The following ZNF630 variants were observed in gnomAD, a reference collection of about 807,000 sequenced individuals.
ZNF630 encodes zinc finger protein 630, also known as dJ54B20.2 (novel KRAB box containing C2H2 type zinc finger protein).
In ZNF630, 5 loss-of-function variants were observed where a neutral mutation model predicts 7.2. The observed-to-expected ratio is 0.70, with a 90% CI of 0.36 to 1.46. The LOEUF (loss-of-function observed/expected upper bound fraction) is 1.46. ZNF630 is among the 40% of genes most tolerant of loss of function. ZNF630 has a pLI of 0.03. For missense variants in ZNF630, 461 were observed against 477.0 expected, an observed-to-expected ratio of 0.97 and a Z score of 0.31; for synonymous variants, 158 against 162.8, an observed-to-expected ratio of 0.97 and a Z score of 0.23.
At chrX:48,062,831 T>C (rs1277017018) in intron 2 of ZNF630, among the ~76,000 whole-genome samples, 4 of 110,001 alleles carry the variant, frequency 3.6e-5, no homozygotes, top group Non-Finnish European at 7.6e-5. Flanking sequence ...TCCCAGCTAC[T>C]AGGGAGGCTG....
chrX:48,058,457 C>G lies in ZNF630; in HGVS notation c.*11G>C, dbSNP rs1405689079. 3 of 1,148,938 alleles carry G rather than the reference C, an allele frequency of 2.6e-6. No individual in the cohort carries two copies. The highest frequency in any genetic ancestry group is 3.5e-6 in the Non-Finnish European group (3 of 866,337). The allele number at this position is 1,148,938 out of a possible 1,213,427, so 94.7% of individuals were successfully genotyped here. The stretch of plus-strand genomic sequence containing the variant: ...ATGAGGACTGACTTCTGGGAATAGG[C>G]CTTCCCACAATCAGCATATATACAA... On this transcript the variant is annotated 3_prime_UTR_variant, in exon 5 of 5. Transcript: ENST00000276054.
chrX:48,060,436 C>T lies in ZNF630; in HGVS notation c.238+14G>A, dbSNP rs782345040. The T allele has an allele frequency of 8.5e-7, 1 of 1,183,181 alleles. No individual in the cohort carries two copies. Among genetic ancestry groups the T allele is most frequent in the Admixed American group, 2.3e-5 (1 of 43,786 alleles). ...GAAGATGCCCGCTTGACCATGTACC[C>T]AATTCTCACTTACCTGGGTAGATCC... is the stretch of plus-strand genomic sequence containing the variant. On this transcript the variant is annotated intron_variant, in intron 4 of 4. Coordinates refer to ENST00000276054, the MANE Select transcript of ZNF630 (RefSeq NM_001282201.2).
rs1556908518 is a variant in ZNF630 at position 48,059,210 on chromosome X, G to T, written c.1232C>A (p.Thr411Asn). ...AATGAGCTGTGTTTTCCGAGGGAAG[G>T]TCTTCCCACATTCAGTACATTCATA... Reference protein sequence around the residue: ...KPYECTECGKTFPRKTQLIIH... With the variant: ...KPYECTECGKNFPRKTQLIIH... Residue 411 changes from threonine (T) to asparagine (N), a missense_variant, in exon 5 of 5, where the codon ACC becomes AAC. Physicochemically the swap from Thr to Asn is moderately conservative, Grantham distance 65. Coordinates refer to ENST00000276054, the MANE Select transcript of ZNF630 (RefSeq NM_001282201.2). 2 of 1,206,889 alleles carry T rather than the reference G, an allele frequency of 1.7e-6. No homozygotes were observed. Among genetic ancestry groups the T allele is most frequent in the African/African-American group, 1.8e-5 (1 of 56,794 alleles).
chrX:48,060,908 G>A lies in ZNF630; in HGVS notation c.53C>T (p.Thr18Met), dbSNP rs200301064. The stretch of plus-strand genomic sequence containing the variant: ...ATTCAACTGCTGCCACTCTTCCTGC[G>A]TGAAGTCCACAGCCACATCCTCAAA... ...VTFEDVAVDF[T>M]QEEWQQLNPA... is the part of the protein sequence containing the mutation. The change falls in exon 3 of 5, where the codon ACG (threonine) becomes ATG (methionine). Residue 18 changes from threonine (T) to methionine (M), a missense_variant. Transcript: ENST00000276054. 1.1e-4 allele frequency: 130 copies of A among 1,203,041 alleles called. 1 individual carries two copies. The East Asian group carries it at 1.6e-3, about 15-fold the overall frequency.
Position 48,060,176 on chromosome X carries a change from T to C in ZNF630, c.266A>G (p.Gln89Arg). The C allele has an allele frequency of 8.7e-7, 1 of 1,152,404 alleles. No homozygotes were observed. The highest frequency in any genetic ancestry group is 1.2e-6 in the Non-Finnish European group (1 of 865,844). The allele number at this position is 1,152,404 out of a possible 1,213,427, so 95.0% of individuals were successfully genotyped here. ...TAAAAGTTCTCCAGAAATGATCTGC[T>C]GGGAAGATTCAAGGCCTTTCACTCT... Reference protein sequence around the residue: ...PDRVKGLESSQQIISGELLFQ... With the variant: ...PDRVKGLESSRQIISGELLFQ... The change falls in exon 5 of 5, where the codon CAG becomes CGG. Residue 89 changes from glutamine to arginine, a missense_variant. Transcript: ENST00000276054.
chrX:48,070,194 C>A (rs1324715553), intron 1 of ZNF630, among the ~76,000 whole-genome samples: 1 of 109,597 alleles, frequency 9.1e-6, no homozygotes, highest in African/African-American at 3.3e-5. Context: ...ATGTGCTTTA[C>A]AGTTCAAAAT....
intron 1 of ZNF630, among the ~76,000 whole-genome samples, chrX:48,069,856 G>GTTTT (rs376876554): frequency 1.1e-5 from 1 of 87,140 alleles, no homozygotes; most frequent in Non-Finnish European, 2.3e-5. Flanking sequence ...TTTTTTTTTT[G>GTTTT]TTTTTTGTTT....
rs1326056538 is a variant in ZNF630, at chrX:48,057,901, C to T, written c.*567G>A. 9.1e-6 allele frequency among the ~76,000 whole-genome samples: 1 copy of T among 109,369 alleles called. No homozygotes were observed. The highest frequency in any genetic ancestry group is 3.3e-5 in the African/African-American group (1 of 29,870). The allele number at this position is 109,369 out of a possible 115,157, so 95.0% of individuals were successfully genotyped here. On this transcript the variant is annotated 3_prime_UTR_variant, in exon 5 of 5. Transcript: ENST00000276054. ...TGAAACCCCATCTCTACTAAAAATA[C>T]AAAAATTAGCCGGGCCTGGTGGTGC...
At position 48,059,866 on chromosome X, in the gene ZNF630, T is replaced by C. The variant is rs1556908784; in HGVS notation, c.576A>G (p.Leu192=). 1 of 1,206,168 alleles carries C rather than the reference T, an allele frequency of 8.3e-7. No homozygotes were observed. Among genetic ancestry groups the C allele is most frequent in the African/African-American group, 1.8e-5 (1 of 56,667 alleles). The change falls in exon 5 of 5, where the codon CTA becomes CTG. Residue 192 remains leucine, a synonymous_variant. Coordinates refer to ENST00000276054, the MANE Select transcript of ZNF630 (RefSeq NM_001282201.2). The stretch of plus-strand genomic sequence containing the variant: ...TTCTTGCATAGCTCCTGTTATAATT[T>C]AGTAAGTCTGAATTAGACTTCAAGC... ...ENSLKSNSDL[L]NYNRSYARKN...
chrX:48,060,415 A>T, intron 4 of ZNF630, 35 bp downstream of exon 4: 3 of 1,131,827 alleles, frequency 2.7e-6, no homozygotes, highest in Non-Finnish European at 3.6e-6. Flanking sequence ...GAAGAAGAAG[A>T]TGCCCGCTTG....
At position 48,059,804 on chromosome X, in the gene ZNF630, G is replaced by T; in HGVS notation, c.638C>A (p.Pro213His). The T allele has an allele frequency of 8.3e-7, 1 of 1,208,588 alleles. No individual in the cohort carries two copies. The highest frequency in any genetic ancestry group is 2.3e-4 in the Middle Eastern group (1 of 4,348). Reference protein sequence around the residue: ...PTKRFRCGRPPKYNASCSVPE... With the variant: ...PTKRFRCGRPHKYNASCSVPE... The stretch of plus-strand genomic sequence containing the variant: ...CACAGAACAGGAAGCATTATACTTA[G>T]GTGGTCTCCCACATCTAAATCTCTT... Residue 213 changes from proline to histidine, a missense_variant, in exon 5 of 5, where the codon CCT becomes CAT. Coordinates refer to ENST00000276054, the MANE Select transcript of ZNF630 (RefSeq NM_001282201.2).
rs1556908204 is a variant in ZNF630, at chrX:48,058,551, C to G, written c.1891G>C (p.Asp631His). Residue 631 changes from aspartate to histidine, a missense_variant, in exon 5 of 5, where the codon GAC becomes CAC. Physicochemically the swap from Asp to His is moderately conservative, Grantham distance 81. Transcript: ENST00000276054. ...TGCTGGCAGAATGCCTTCCCACAGT[C>G]ACTGCATCTGGAGGGTTTCTCCCCA... ...HTGEKPSRCS[D>H]CGKAFCQHVY... The G allele has an allele frequency of 5.8e-6, 7 of 1,207,728 alleles. No homozygotes were observed. The highest frequency in any genetic ancestry group is 7.8e-6 in the Non-Finnish European group (7 of 892,893).
At position 48,059,462 on chromosome X, in the gene ZNF630, G is replaced by A; in HGVS notation, c.980C>T (p.Ala327Val). The change falls in exon 5 of 5, where the codon GCA becomes GTA. Residue 327 changes from alanine to valine, a missense_variant. By Grantham distance (64) the Ala-to-Val change is moderately conservative. Coordinates refer to ENST00000276054, the MANE Select transcript of ZNF630 (RefSeq NM_001282201.2). ...KPYECTKYGR[A>V]FSRKSPFTVH... ...AGTGAAAGGTGACTTCCGGGAGAATGCTCTTCCATACTTAGTACATTCATA... is the reference window on the plus strand; with the variant it reads ...AGTGAAAGGTGACTTCCGGGAGAATACTCTTCCATACTTAGTACATTCATA... 1 of 1,207,994 alleles carries A rather than the reference G, an allele frequency of 8.3e-7. No individual in the cohort carries two copies. Among genetic ancestry groups the A allele is most frequent in the South Asian group, 1.8e-5 (1 of 56,893 alleles).
chrX:48,059,384 G>T lies in ZNF630; in HGVS notation c.1058C>A (p.Pro353Gln). The T allele has an allele frequency of 8.3e-7, 1 of 1,207,026 alleles. No homozygotes were observed. Among genetic ancestry groups the T allele is most frequent in the Admixed American group, 2.2e-5 (1 of 45,862 alleles). ...GEKPYECFEC[P>Q]KAFSQKSHLI... ...ATGTGACTTCTGGGAGAAAGCTTTT[G>T]GACACTCAAAACACTCATAGGGTTT... The change falls in exon 5 of 5, where the codon CCA becomes CAA. Residue 353 changes from proline to glutamine, a missense_variant. By Grantham distance (76) the Pro-to-Gln change is moderately conservative. Coordinates refer to ENST00000276054, the MANE Select transcript of ZNF630 (RefSeq NM_001282201.2).
chrX:48,063,769 T>C (rs1603236362), intron 2 of ZNF630, among the ~76,000 whole-genome samples: 1 of 110,354 alleles, frequency 9.1e-6, no homozygotes, highest in East Asian at 2.8e-4. Flanking sequence ...GCACTTGTAA[T>C]CCCTGCTACT....
At chrX:48,065,513 AAGGC>A (rs1450087127) in intron 2 of ZNF630, among the ~76,000 whole-genome samples, 3 of 107,232 alleles carry the variant, frequency 2.8e-5, no homozygotes, top group African/African-American at 1.0e-4. Flanking sequence ...GGAAGGAAGG[AAGGC>A]AGGCAGGCAC....
chrX:48,060,234 TACACACAC>T (rs56253151), intron 4 of ZNF630, 31 bp from the exon 5 acceptor site: 39,262 of 551,615 alleles, frequency 0.071, 1,262 homozygotes, highest in Non-Finnish European at 0.077. Context: ...GAAAATCAAA[TACACACAC>T]ACACACACAC....
At chrX:48,067,792 C>T (rs1210108288) in intron 1 of ZNF630, among the ~76,000 whole-genome samples, 2 of 110,497 alleles carry the variant, frequency 1.8e-5, no homozygotes, top group Admixed American at 9.6e-5. Context: ...CCTGGCGTGG[C>T]GGTGCACAGC....
chrX:48,063,171 A>G (rs1261532458), intron 2 of ZNF630, among the ~76,000 whole-genome samples: 2 of 109,065 alleles, frequency 1.8e-5, no homozygotes, highest in Admixed American at 9.8e-5. Flanking sequence ...ATACAGCAGG[A>G]AAAAAAACCT....
Sources: gnomAD v4.1 joint callset for allele counts (sites outside exome capture counted in the v4.1 genomes callset) on GRCh38, gnomAD v4.1.1 for gene constraint, MANE v1.5 for transcripts, NCBI Gene and HGNC (gene_info 2026-07-23, HGNC 2026-07-21) for gene names.